The following CCDC148 variants were observed in gnomAD, a reference collection of about 807,000 sequenced individuals.
The protein encoded by CCDC148 is coiled-coil domain containing 148.
Under a neutral mutation model 85.7 loss-of-function variants are expected in CCDC148, and 89 were observed. The ratio of observed to expected loss-of-function variants is 1.04; its 90% confidence interval spans 0.87 to 1.24. The LOEUF is 1.24. Among genes scored for constraint, CCDC148 ranks in the 50% most tolerant of loss-of-function variants. The probability of loss-of-function intolerance (pLI) is 0.00; values close to 1 mark genes in which losing one functional copy is unlikely to be tolerated. For synonymous variants in CCDC148, 230 were observed against 213.9 expected (o/e 1.08, Z -0.66); for missense variants, 692 against 671.7 (o/e 1.03, Z -0.33).
intron 1 of CCDC148, among the ~76,000 whole-genome samples, chr2:158,414,725 G>GTATGTGAGGCATGAATGAAA (rs1574778673): frequency 6.6e-6 from 1 of 152,106 alleles, no homozygotes; most frequent in East Asian, 1.9e-4. Context: ...CATGAATGAA[G>GTATGTGAGGCATGAATGAAA]TATGTGAGGC....
intron 9 of CCDC148, among the ~76,000 whole-genome samples, chr2:158,292,978 T>C (rs78795210): frequency 0.044 from 6,770 of 152,312 alleles, 258 homozygotes; most frequent in African/African-American, 0.1. Context: ...GCTGTGTTTA[T>C]TGAGTACCCA....
chr2:158,332,174 C>T (rs1693168462), intron 7 of CCDC148, among the ~76,000 whole-genome samples: 2 of 151,900 alleles, frequency 1.3e-5, no homozygotes, highest in Admixed American at 1.3e-4. Context: ...TTAGTGTTTC[C>T]TTCAGGAGCT....
intron 1 of CCDC148, among the ~76,000 whole-genome samples, chr2:158,378,742 A>G (rs1684754825): frequency 1.3e-5 from 2 of 152,154 alleles, no homozygotes; most frequent in Admixed American, 1.3e-4. Context: ...TCTGTGCTCT[A>G]TAAATGGAGC....
intron 1 of CCDC148, among the ~76,000 whole-genome samples, chr2:158,382,603 T>C (rs1559111301): frequency 6.6e-6 from 1 of 152,080 alleles, no homozygotes; most frequent in Non-Finnish European, 1.5e-5. Flanking sequence ...ATAGAAGTGT[T>C]AAGATAATTT....
intron 11 of CCDC148, among the ~76,000 whole-genome samples, chr2:158,215,929 A>C (rs1686827877): frequency 1.3e-5 from 2 of 152,174 alleles, no homozygotes; most frequent in Non-Finnish European, 2.9e-5. Flanking sequence ...CCCATTCTGC[A>C]AGCCAGGAAG....
At chr2:158,301,581 G>A (rs1036764211) in intron 9 of CCDC148, among the ~76,000 whole-genome samples, 1 of 152,202 alleles carries the variant, frequency 6.6e-6, no homozygotes, top group Non-Finnish European at 1.5e-5. Flanking sequence ...ATGAAGTAAG[G>A]ATATAAGAGC....
intron 1 of CCDC148, among the ~76,000 whole-genome samples, chr2:158,421,760 G>C (rs1196688036): frequency 6.6e-6 from 1 of 152,146 alleles, no homozygotes; most frequent in African/African-American, 2.4e-5. Context: ...TAAGGAGATA[G>C]AGACACAAAA....
intron 1 of CCDC148, among the ~76,000 whole-genome samples, chr2:158,360,758 C>T (rs747096297): frequency 5.3e-5 from 8 of 151,968 alleles, no homozygotes; most frequent in South Asian, 2.1e-4. Flanking sequence ...AAAACCAGTA[C>T]GCCTCTTCCA....
intron 1 of CCDC148, among the ~76,000 whole-genome samples, chr2:158,361,791 T>A (rs1272905027): frequency 6.6e-6 from 1 of 152,144 alleles, no homozygotes; most frequent in Non-Finnish European, 1.5e-5. Context: ...AGCATCATGA[T>A]GACAGGATCA....
chr2:158,181,879 T>C (rs1048491901), intron 11 of CCDC148, among the ~76,000 whole-genome samples: 1 of 151,162 alleles, frequency 6.6e-6, no homozygotes, highest in African/African-American at 2.4e-5. Context: ...GATGGGTTGT[T>C]GGGAGGCAAG....
intron 1 of CCDC148, among the ~76,000 whole-genome samples, chr2:158,369,453 T>A (rs1684344653): frequency 6.6e-6 from 1 of 152,172 alleles, no homozygotes; most frequent in African/African-American, 2.4e-5. Context: ...GGGAGTTTAT[T>A]CATGATTTGG....
At chr2:158,428,677 C>T (rs1490646753) in intron 1 of CCDC148, among the ~76,000 whole-genome samples, 1 of 140,012 alleles carries the variant, frequency 7.1e-6, no homozygotes, top group East Asian at 2.0e-4. Context: ...AACACTTTTA[C>T]ACTGTTGGTG....
chr2:158,294,396 T>C (rs575990773), intron 9 of CCDC148, among the ~76,000 whole-genome samples: 37 of 152,306 alleles, frequency 2.4e-4, no homozygotes, highest in South Asian at 4.1e-4. Flanking sequence ...TGTTTACTTA[T>C]AAATTTTTGT....
intron 10 of CCDC148, among the ~76,000 whole-genome samples, chr2:158,240,238 T>C (rs1408486592): frequency 6.6e-6 from 1 of 151,934 alleles, no homozygotes; most frequent in Non-Finnish European, 1.5e-5. Flanking sequence ...TACTCCATAT[T>C]CTCAGGTTTA....
At chr2:158,345,163 G>A (rs1156606098) in intron 3 of CCDC148, 52 bp downstream of exon 3, 3 of 1,244,426 alleles carry the variant, frequency 2.4e-6, no homozygotes, top group Admixed American at 3.6e-5. Context: ...GACAAGATAA[G>A]TGCTATTCCT....
At chr2:158,261,482 C>T (rs1306431934) in intron 9 of CCDC148, among the ~76,000 whole-genome samples, 1 of 151,764 alleles carries the variant, frequency 6.6e-6, no homozygotes, top group Non-Finnish European at 1.5e-5. Context: ...TACAAAGATA[C>T]CAAAACTAAT....
At chr2:158,439,029 G>T (rs1292235069) in intron 1 of CCDC148, among the ~76,000 whole-genome samples, 1 of 152,182 alleles carries the variant, frequency 6.6e-6, no homozygotes, top group Non-Finnish European at 1.5e-5. Context: ...CTGTTGGTGG[G>T]ACTGTAAACT....
At chr2:158,295,419 A>C (rs951098955) in intron 9 of CCDC148, among the ~76,000 whole-genome samples, 5 of 152,192 alleles carry the variant, frequency 3.3e-5, no homozygotes, top group South Asian at 2.1e-4. Flanking sequence ...GAGACACAAC[A>C]AAAAAAGAGA....
At chr2:158,448,037 A>G (rs1458091833) in intron 1 of CCDC148, among the ~76,000 whole-genome samples, 1 of 152,140 alleles carries the variant, frequency 6.6e-6, no homozygotes, top group Non-Finnish European at 1.5e-5. Flanking sequence ...TGTGATATAT[A>G]TAAATTTTTT....
Sources: gnomAD v4.1 joint callset for allele counts (sites outside exome capture counted in the v4.1 genomes callset) on GRCh38, gnomAD v4.1.1 for gene constraint, MANE v1.5 for transcripts, NCBI Gene and HGNC (gene_info 2026-07-23, HGNC 2026-07-21) for gene names.